Variants in TLN2 observed in about 807,000 individuals in gnomAD.
TLN2 encodes talin-2.
TLN2 carries 118 observed loss-of-function variants against 294.7 expected under a neutral mutation model. That is an observed-to-expected ratio of 0.40 (90% confidence interval 0.34 to 0.47). The LOEUF is 0.47. Ranked by LOEUF, TLN2 falls within the 20% of genes least tolerant of loss-of-function variation. The pLI, the probability that TLN2 is intolerant of heterozygous loss-of-function variation, is 0.84. For synonymous variants in TLN2, 1,431 were observed against 1,304.5 expected, an observed-to-expected ratio of 1.10 and a Z score of -2.09; for missense variants, 3,083 against 3,282.2, an observed-to-expected ratio of 0.94 and a Z score of 1.48.
rs560370787 is a variant in TLN2, at chr15:62,424,630, A to T, written c.-238+33945A>T. Among the ~76,000 whole-genome samples, 5 of 151,740 alleles carry T rather than the reference A, an allele frequency of 3.3e-5. No homozygotes were observed. The East Asian group carries it at 9.7e-4, about 29-fold the overall frequency. On this transcript the variant is annotated intron_variant, in intron 1 of 58. Transcript: ENST00000636159. ...CAAGTTGAACCTGAAACTGCCGTCC[A>T]GGCATCCCTATTTTTCTTTTTCCTT...
chr15:62,628,671 G>A (rs2049500719), intron 3 of TLN2, among the ~76,000 whole-genome samples: 1 of 152,198 alleles, frequency 6.6e-6, no homozygotes, highest in South Asian at 2.1e-4. Context: ...CAGTTAATGA[G>A]ATCACGCACT....
chr15:62,748,337 T>G lies in TLN2; in HGVS notation c.4026-14T>G. 6.3e-7 allele frequency: 1 copy of G among 1,576,148 alleles called. No homozygotes were observed. The highest frequency in any genetic ancestry group is 8.6e-7 in the Non-Finnish European group (1 of 1,162,904). ...ATCTTCAAAAAAAAAAAAAAAATTC[T>G]GTTTCTGTCACAGAGCTGTGACAGA... On this transcript the variant is annotated splice_polypyrimidine_tract_variant and intron_variant, in intron 32 of 58. Transcript: ENST00000636159.
intron 11 of TLN2, among the ~76,000 whole-genome samples, chr15:62,683,520 CCTGCATTCTCCCGCCTCTCAT>C (rs2057030159): frequency 2.2e-5 from 3 of 137,140 alleles, no homozygotes; most frequent in Admixed American, 2.2e-4. Context: ...TGGTAGAATG[CCTGCATTCTCCCGCCTCTCAT>C]TGGTAGAATG....
At chr15:62,814,326 T>G (rs569491572) in intron 52 of TLN2, among the ~76,000 whole-genome samples, 2 of 152,246 alleles carry the variant, frequency 1.3e-5, no homozygotes, top group Non-Finnish European at 2.9e-5. Context: ...TTTATTTTAT[T>G]GACTTCCTTC....
chr15:62,400,184 A>C (rs1222466542), intron 1 of TLN2, among the ~76,000 whole-genome samples: 1 of 152,158 alleles, frequency 6.6e-6, no homozygotes, highest in South Asian at 2.1e-4. Flanking sequence ...CCATGTGAAG[A>C]AGGACATGTT....
chr15:62,554,910 A>T (rs2042522641), intron 1 of TLN2, among the ~76,000 whole-genome samples: 1 of 152,020 alleles, frequency 6.6e-6, no homozygotes, highest in African/African-American at 2.4e-5. Flanking sequence ...TCTGGCAGAG[A>T]TGTAGATTTA....
intron 1 of TLN2, among the ~76,000 whole-genome samples, chr15:62,539,452 C>T (rs1329815952): frequency 1.3e-5 from 2 of 152,118 alleles, no homozygotes; most frequent in African/African-American, 4.8e-5. Flanking sequence ...AGTGATAGTG[C>T]ACCTTCACTG....
At chr15:62,509,416 T>A (rs2039811710) in intron 1 of TLN2, among the ~76,000 whole-genome samples, 1 of 152,242 alleles carries the variant, frequency 6.6e-6, no homozygotes. Context: ...ACTTTCTAAG[T>A]GTTTATCGTG....
At chr15:62,484,278 T>C (rs1219967964) in intron 1 of TLN2, among the ~76,000 whole-genome samples, 1 of 152,116 alleles carries the variant, frequency 6.6e-6, no homozygotes, top group East Asian at 1.9e-4. Flanking sequence ...ACTGAGCAAA[T>C]TTTATTACTA....
intron 1 of TLN2, among the ~76,000 whole-genome samples, chr15:62,470,464 C>G (rs759262283): frequency 1.3e-5 from 2 of 152,258 alleles, no homozygotes; most frequent in African/African-American, 2.4e-5. Flanking sequence ...CTCTGCATCT[C>G]TGGGGTGCTA....
chr15:62,625,731 G>A (rs112317033), intron 3 of TLN2, among the ~76,000 whole-genome samples: 4,592 of 152,290 alleles, frequency 0.03, 91 homozygotes, highest in East Asian at 0.064. Context: ...TCTTTTTAGA[G>A]AATAAGACTC....
At chr15:62,557,148 T>G (rs1236082823) in intron 1 of TLN2, among the ~76,000 whole-genome samples, 1 of 152,180 alleles carries the variant, frequency 6.6e-6, no homozygotes, top group Non-Finnish European at 1.5e-5. Context: ...GTGGTCTTAT[T>G]TTTCTTCAAG....
intron 1 of TLN2, among the ~76,000 whole-genome samples, chr15:62,432,387 T>C (rs576751970): frequency 3.3e-5 from 5 of 152,336 alleles, no homozygotes; most frequent in African/African-American, 1.2e-4. Flanking sequence ...CTTCTTGCTG[T>C]GTCCTCACAT....
intron 19 of TLN2, among the ~76,000 whole-genome samples, chr15:62,703,650 C>G (rs10775180): frequency 0.33 from 48,750 of 149,502 alleles, 9,754 homozygotes; most frequent in Middle Eastern, 0.48. Flanking sequence ...CACACACACA[C>G]AGAGAAAGAG....
intron 1 of TLN2, among the ~76,000 whole-genome samples, chr15:62,495,879 C>A (rs2038987351): frequency 6.6e-6 from 1 of 151,590 alleles, no homozygotes; most frequent in Non-Finnish European, 1.5e-5. Context: ...TGGCTAATTG[C>A]ATGTTGCCTT....
At position 62,841,620 on chromosome 15, in the gene TLN2, T is replaced by C. The variant is rs774894559; in HGVS notation, c.*1010T>C. On this transcript the variant is annotated 3_prime_UTR_variant, in exon 59 of 59. Coordinates refer to ENST00000636159, the MANE Select transcript of TLN2 (RefSeq NM_015059.3). ...TTTCTGTCTTAATATCCAGAAAATC[T>C]AAATGCATCCTAAAATCAATGTGAA... 1 of 152,240 alleles carries C rather than the reference T, an allele frequency of 6.6e-6. No individual in the cohort carries two copies. The highest frequency in any genetic ancestry group is 1.5e-5 in the Non-Finnish European group (1 of 68,040). 9.4% of individuals were successfully genotyped at this position (152,240 alleles called of 1,614,324 possible). A position where few individuals can be genotyped will look rare whatever the true frequency, so the allele number is the denominator to read the frequency against.
intron 4 of TLN2, among the ~76,000 whole-genome samples, chr15:62,649,310 G>A (rs1200364123): frequency 6.6e-6 from 1 of 151,562 alleles, no homozygotes; most frequent in African/African-American, 2.4e-5. Flanking sequence ...TGGTGGGGGT[G>A]GGGAGCTTGA....
chr15:62,458,548 A>G (rs1364328866), intron 1 of TLN2, among the ~76,000 whole-genome samples: 1 of 149,970 alleles, frequency 6.7e-6, no homozygotes, highest in African/African-American at 2.5e-5. Context: ...TACTTGATTA[A>G]GAAGTATCTT....
chr15:62,564,074 A>G (rs780656405), intron 1 of TLN2, among the ~76,000 whole-genome samples: 1 of 152,208 alleles, frequency 6.6e-6, no homozygotes, highest in Non-Finnish European at 1.5e-5. Context: ...TTAAAAACTT[A>G]CTGGTGGTGT....
Sources: gnomAD v4.1 joint callset for allele counts (sites outside exome capture counted in the v4.1 genomes callset) on GRCh38, gnomAD v4.1.1 for gene constraint, MANE v1.5 for transcripts, NCBI Gene and HGNC (gene_info 2026-07-23, HGNC 2026-07-21) for gene names.